RIT2: variants seen among roughly 807,000 people sequenced by gnomAD.
RIT2 encodes GTP-binding protein Rit2.
RIT2 carries 24 observed loss-of-function variants against 23.7 expected under a neutral mutation model. The ratio of observed to expected loss-of-function variants is 1.01; its 90% CI spans 0.73 to 1.43. The LOEUF is 1.43. RIT2 is among the 40% of genes most tolerant of loss of function. The pLI is 0.00. For synonymous variants in RIT2, 107 were observed against 91.1 expected (o/e 1.17, Z -0.99); for missense variants, 236 against 266.9 (o/e 0.88, Z 0.81).
intron 2 of RIT2, among the ~76,000 whole-genome samples, chr18:42,979,810 G>T (rs951656234): frequency 3.3e-5 from 5 of 152,120 alleles, no homozygotes; most frequent in African/African-American, 1.2e-4. Flanking sequence ...AAAGCCAGGT[G>T]GTTTCCACCC....
At chr18:42,922,432 C>T (rs1218314355) in intron 4 of RIT2, among the ~76,000 whole-genome samples, 2 of 152,028 alleles carry the variant, frequency 1.3e-5, no homozygotes, top group African/African-American at 2.4e-5. Flanking sequence ...AATTTAAGGT[C>T]AACGAAAAGA....
intron 4 of RIT2, among the ~76,000 whole-genome samples, chr18:42,871,200 C>G (rs903631497): frequency 1.3e-5 from 2 of 152,206 alleles, no homozygotes; most frequent in African/African-American, 4.8e-5. Context: ...AACCCTGTTG[C>G]ATTCATCAGC....
intron 3 of RIT2, among the ~76,000 whole-genome samples, chr18:42,926,223 TC>T (rs1909176505): frequency 6.6e-6 from 1 of 151,922 alleles, no homozygotes; most frequent in Non-Finnish European, 1.5e-5. Flanking sequence ...TGACCAATTC[TC>T]CTCATTTTCA....
intron 4 of RIT2, among the ~76,000 whole-genome samples, chr18:42,759,554 G>A (rs574843193): frequency 1.6e-4 from 24 of 151,978 alleles, no homozygotes; most frequent in African/African-American, 4.1e-4. Context: ...ACAGTAAAAC[G>A]AAAGAAAAGG....
At chr18:42,803,436 G>T (rs1905595746) in intron 4 of RIT2, among the ~76,000 whole-genome samples, 1 of 152,126 alleles carries the variant, frequency 6.6e-6, no homozygotes, top group South Asian at 2.1e-4. Flanking sequence ...ACTGTATGTT[G>T]GTGTGAGTGT....
intron 2 of RIT2, among the ~76,000 whole-genome samples, chr18:43,021,103 A>C (rs1911584822): frequency 6.6e-6 from 1 of 152,142 alleles, no homozygotes; most frequent in Non-Finnish European, 1.5e-5. Context: ...AAATATTTGC[A>C]AACAATTCAT....
intron 4 of RIT2, among the ~76,000 whole-genome samples, chr18:42,753,954 A>G (rs1913104801): frequency 6.6e-6 from 1 of 152,226 alleles, no homozygotes; most frequent in Admixed American, 6.5e-5. Flanking sequence ...AAAGCAAAGC[A>G]CTGGCAAGAT....
intron 2 of RIT2, among the ~76,000 whole-genome samples, chr18:43,001,000 A>G (rs1032550506): frequency 5.3e-5 from 8 of 152,102 alleles, no homozygotes; most frequent in Non-Finnish European, 8.8e-5. Flanking sequence ...TATTTAAAAC[A>G]ATATTATCTA....
chr18:42,776,639 A>G (rs866856972), intron 4 of RIT2, among the ~76,000 whole-genome samples: 3 of 152,208 alleles, frequency 2.0e-5, no homozygotes, highest in Admixed American at 6.5e-5. Context: ...TAATACTAGT[A>G]TCATGTCCAT....
intron 2 of RIT2, among the ~76,000 whole-genome samples, chr18:42,976,187 G>C (rs542180999): frequency 5.6e-4 from 85 of 152,058 alleles, no homozygotes; most frequent in African/African-American, 2.0e-3. Context: ...GAAAGATAAA[G>C]AAATGCTTCC....
Position 43,094,326 on chromosome 18 carries a change from A to G in RIT2, c.103+21091T>C, listed in dbSNP as rs529048657. 5.9e-5 allele frequency among the ~76,000 whole-genome samples: 9 copies of G among 152,080 alleles called. No individual in the cohort carries two copies. The South Asian group carries it at 1.2e-3, about 21-fold the overall frequency. ...AGATGGAAATGAAATCCGTGCTTAT[A>G]GATTAGCTTCAAATCCACCTCTCTC... On this transcript the variant is annotated intron_variant, in intron 1 of 4. Coordinates refer to ENST00000326695, the MANE Select transcript of RIT2 (RefSeq NM_002930.4).
chr18:42,964,611 G>A (rs1209101675), intron 3 of RIT2, among the ~76,000 whole-genome samples: 2 of 152,236 alleles, frequency 1.3e-5, no homozygotes, highest in African/African-American at 4.8e-5. Flanking sequence ...GAACGACTAT[G>A]TTTTCCTACT....
chr18:42,923,348 G>T, intron 4 of RIT2: 1 of 512,806 alleles, frequency 2.0e-6, no homozygotes. Flanking sequence ...CCAGATCCTA[G>T]GGGATAGGGC....
chr18:42,872,390 G>T (rs577149582), intron 4 of RIT2, among the ~76,000 whole-genome samples: 1 of 152,318 alleles, frequency 6.6e-6, no homozygotes, highest in South Asian at 2.1e-4. Context: ...ACCACCTCAT[G>T]ATGTCAAAAT....
intron 3 of RIT2, among the ~76,000 whole-genome samples, chr18:42,936,893 C>A (rs1332911020): frequency 6.6e-6 from 1 of 151,804 alleles, no homozygotes; most frequent in Non-Finnish European, 1.5e-5. Context: ...ATGCCTGTAA[C>A]CCCAGCTACT....
At chr18:42,944,814 A>G (rs1218551703) in intron 3 of RIT2, among the ~76,000 whole-genome samples, 1 of 152,136 alleles carries the variant, frequency 6.6e-6, no homozygotes, top group East Asian at 1.9e-4. Flanking sequence ...ATTAATACTC[A>G]AAGATTCTAC....
At position 42,743,467 on chromosome 18, in the gene RIT2, G is replaced by T; in HGVS notation, c.*26C>A. On this transcript the variant is annotated 3_prime_UTR_variant, in exon 5 of 5. Transcript: ENST00000326695. ...TTGTCCAACTAATAAAATTCAGAGA[G>T]CGTGAGGAACTCAAAAGCAAAGATA... 1.3e-6 allele frequency: 2 copies of T among 1,495,594 alleles called. No individual in the cohort carries two copies. Among genetic ancestry groups the T allele is most frequent in the Non-Finnish European group, 1.9e-6 (2 of 1,074,462 alleles). 92.6% of individuals were successfully genotyped at this position (1,495,594 alleles called of 1,614,324 possible).
intron 4 of RIT2, among the ~76,000 whole-genome samples, chr18:42,873,567 T>C (rs1485883047): frequency 6.6e-6 from 1 of 152,104 alleles, no homozygotes; most frequent in Admixed American, 6.6e-5. Context: ...TATTTAACAG[T>C]TCTAGTAATT....
At chr18:43,005,940 C>T (rs563995610) in intron 2 of RIT2, among the ~76,000 whole-genome samples, 64 of 151,638 alleles carry the variant, frequency 4.2e-4, no homozygotes, top group Non-Finnish European at 6.5e-4. Context: ...GCAAGAAATC[C>T]TCAGAAGGAA....
Sources: gnomAD v4.1 joint callset for allele counts (sites outside exome capture counted in the v4.1 genomes callset) on GRCh38, gnomAD v4.1.1 for gene constraint, MANE v1.5 for transcripts, NCBI Gene and HGNC (gene_info 2026-07-23, HGNC 2026-07-21) for gene names.